Variants in CDH13 observed in about 807,000 individuals in gnomAD.
CDH13 encodes the protein cadherin 13.
A neutral mutation model predicts 63.8 loss-of-function variants in CDH13; 24 were observed. That is an observed-to-expected ratio of 0.38 (90% CI 0.27 to 0.53). CDH13 has a LOEUF of 0.53. Among genes scored for constraint, CDH13 ranks in the 20% least tolerant of loss-of-function variants. The pLI is 0.85. For missense variants in CDH13, 1,049 were observed against 903.1 expected, an observed-to-expected ratio of 1.16 and a Z score of -2.07; for synonymous variants, 503 against 355.3, an observed-to-expected ratio of 1.42 and a Z score of -4.67.
chr16:83,468,665 T>C (rs754651834), intron 6 of CDH13, among the ~76,000 whole-genome samples: 7 of 152,218 alleles, frequency 4.6e-5, no homozygotes, highest in African/African-American at 7.2e-5. Context: ...GCTGCCTCTC[T>C]GCCTCTCCCT....
chr16:83,045,493 C>T (rs1206910550), intron 3 of CDH13, among the ~76,000 whole-genome samples: 3 of 151,674 alleles, frequency 2.0e-5, no homozygotes, highest in Admixed American at 6.6e-5. Flanking sequence ...AAAAATTATC[C>T]AGGCGTGGTG....
chr16:83,056,341 C>G (rs1208130271), intron 3 of CDH13, among the ~76,000 whole-genome samples: 2 of 152,052 alleles, frequency 1.3e-5, no homozygotes, highest in African/African-American at 2.4e-5. Flanking sequence ...ACTAAAGGCT[C>G]TTACAAGAAA....
At chr16:82,968,953 C>G (rs1202000406) in intron 2 of CDH13, among the ~76,000 whole-genome samples, 2 of 152,086 alleles carry the variant, frequency 1.3e-5, no homozygotes, top group African/African-American at 4.8e-5. Flanking sequence ...AACCCCATCT[C>G]TACAAAATAT....
chr16:82,852,350 C>T (rs1459258756), intron 1 of CDH13, among the ~76,000 whole-genome samples: 2 of 152,198 alleles, frequency 1.3e-5, no homozygotes, highest in South Asian at 2.1e-4. Flanking sequence ...GTGGATGTGT[C>T]TTGTGGGGCG....
intron 6 of CDH13, among the ~76,000 whole-genome samples, chr16:83,463,330 A>C (rs1206113885): frequency 6.6e-6 from 1 of 152,300 alleles, no homozygotes; most frequent in African/African-American, 2.4e-5. Flanking sequence ...CAATAAAAAC[A>C]GTTCATTTCT....
chr16:83,705,404 C>T (rs372410682), intron 10 of CDH13, among the ~76,000 whole-genome samples: 81 of 152,232 alleles, frequency 5.3e-4, no homozygotes, highest in Middle Eastern at 3.4e-3. Flanking sequence ...GGGCAGATCA[C>T]GAGGTCAGGA....
chr16:83,179,451 C>G (rs990031219), intron 4 of CDH13, among the ~76,000 whole-genome samples: 10 of 139,648 alleles, frequency 7.2e-5, no homozygotes, highest in African/African-American at 2.9e-4. Flanking sequence ...GGAGACCATC[C>G]TGGCTAACAC....
At chr16:83,412,925 A>G (rs1269741633) in intron 6 of CDH13, among the ~76,000 whole-genome samples, 1 of 152,202 alleles carries the variant, frequency 6.6e-6, no homozygotes, top group Non-Finnish European at 1.5e-5. Flanking sequence ...AAGAAATGTA[A>G]CTGTGTTGTA....
chr16:83,597,927 T>C (rs1314449994), intron 7 of CDH13, among the ~76,000 whole-genome samples: 1 of 152,262 alleles, frequency 6.6e-6, no homozygotes, highest in African/African-American at 2.4e-5. Context: ...TGCACTCATA[T>C]GTGAATATGA....
intron 2 of CDH13, among the ~76,000 whole-genome samples, chr16:82,860,801 A>G (rs1006492683): frequency 2.6e-5 from 4 of 152,232 alleles, no homozygotes; most frequent in Admixed American, 6.5e-5. Context: ...AAAATAGTTT[A>G]GGAAACTCTG....
At chr16:82,994,312 A>C (rs980338123) in intron 2 of CDH13, among the ~76,000 whole-genome samples, 1 of 152,136 alleles carries the variant, frequency 6.6e-6, no homozygotes, top group Non-Finnish European at 1.5e-5. Context: ...GACTTAGTAC[A>C]ACCCTGGCCC....
intron 6 of CDH13, among the ~76,000 whole-genome samples, chr16:83,400,484 A>C (rs937451190): frequency 1.3e-5 from 2 of 152,192 alleles, no homozygotes; most frequent in African/African-American, 4.8e-5. Context: ...TGAAGGAATG[A>C]AGCTTCCTGA....
At chr16:82,730,872 G>C (rs1015701465) in intron 1 of CDH13, among the ~76,000 whole-genome samples, 2 of 152,110 alleles carry the variant, frequency 1.3e-5, no homozygotes, top group Non-Finnish European at 2.9e-5. Context: ...GTTAAATACA[G>C]CTATCATTAA....
At chr16:83,293,735 T>G (rs753414340) in intron 5 of CDH13, among the ~76,000 whole-genome samples, 22 of 152,192 alleles carry the variant, frequency 1.4e-4, no homozygotes, top group Non-Finnish European at 2.9e-5. Context: ...AAAACAAATT[T>G]TAGTCATGAA....
At chr16:83,040,939 T>C (rs556124441) in intron 3 of CDH13, among the ~76,000 whole-genome samples, 1 of 152,308 alleles carries the variant, frequency 6.6e-6, no homozygotes, top group East Asian at 1.9e-4. Flanking sequence ...CTATGATTTC[T>C]GTAACCTGTA....
At chr16:83,392,013 G>C (rs528158378) in intron 6 of CDH13, among the ~76,000 whole-genome samples, 1 of 152,062 alleles carries the variant, frequency 6.6e-6, no homozygotes, top group African/African-American at 2.4e-5. Context: ...CATGCATCGC[G>C]GGGTGTCTAA....
At chr16:83,017,746 G>C (rs1417417383) in intron 2 of CDH13, among the ~76,000 whole-genome samples, 2 of 152,090 alleles carry the variant, frequency 1.3e-5, no homozygotes, top group Non-Finnish European at 2.9e-5. Flanking sequence ...TGAATATATA[G>C]GGAAACAATT....
chr16:83,403,625 AAATAATAAT>A (rs34397198), intron 6 of CDH13, among the ~76,000 whole-genome samples: 1 of 151,250 alleles, frequency 6.6e-6, no homozygotes, highest in South Asian at 2.1e-4. Context: ...TCCGTCTCAA[AAATAATAAT>A]AATAATAATA....
intron 3 of CDH13, among the ~76,000 whole-genome samples, chr16:83,108,045 C>T (rs1489603021): frequency 1.3e-5 from 2 of 152,056 alleles, no homozygotes; most frequent in Non-Finnish European, 2.9e-5. Flanking sequence ...CTGGTCTTGA[C>T]TCCCTGACCT....
Sources: gnomAD v4.1 joint callset for allele counts (sites outside exome capture counted in the v4.1 genomes callset) on GRCh38, gnomAD v4.1.1 for gene constraint, MANE v1.5 for transcripts, NCBI Gene and HGNC (gene_info 2026-07-23, HGNC 2026-07-21) for gene names.